The following RIMBP2 variants were observed in gnomAD, a reference collection of about 807,000 sequenced individuals.
The protein encoded by RIMBP2 is RIMS-binding protein 2.
A neutral mutation model predicts 118.6 loss-of-function variants in RIMBP2; 48 were observed. That is an observed-to-expected ratio of 0.40 (90% CI 0.32 to 0.51). The LOEUF is 0.51. Ranked by LOEUF, RIMBP2 falls within the 20% of genes least tolerant of loss-of-function variation. The pLI is 0.41. For synonymous variants in RIMBP2, 762 were observed against 742.9 expected, an observed-to-expected ratio of 1.03 and a Z score of -0.42; for missense variants, 1,551 against 1,768.3, an observed-to-expected ratio of 0.88 and a Z score of 2.20.
chr12:130,637,273 C>T (rs887388920), intron 1 of RIMBP2, among the ~76,000 whole-genome samples: 2 of 152,188 alleles, frequency 1.3e-5, no homozygotes, highest in Non-Finnish European at 2.9e-5. Context: ...CACCAGTTGC[C>T]CCAGTGGAAT....
At chr12:130,500,678 G>A (rs999521466) in intron 4 of RIMBP2, among the ~76,000 whole-genome samples, 1 of 152,108 alleles carries the variant, frequency 6.6e-6, no homozygotes, top group Non-Finnish European at 1.5e-5. Flanking sequence ...ATGCACATTG[G>A]CACAGCTCCA....
intron 16 of RIMBP2, among the ~76,000 whole-genome samples, chr12:130,423,563 G>A (rs1948559184): frequency 1.3e-5 from 2 of 151,814 alleles, no homozygotes; most frequent in East Asian, 1.9e-4. Flanking sequence ...CGGCAGGGCC[G>A]GCGGGGAGAA....
intron 1 of RIMBP2, among the ~76,000 whole-genome samples, chr12:130,699,244 T>A (rs1286812808): frequency 6.6e-6 from 1 of 152,114 alleles, no homozygotes. Context: ...ACCCAAAGGA[T>A]TATAAATCAT....
intron 2 of RIMBP2, among the ~76,000 whole-genome samples, chr12:130,604,754 TG>T (rs2060083204): frequency 1.2e-5 from 1 of 86,780 alleles, no homozygotes; most frequent in Non-Finnish European, 2.4e-5. Flanking sequence ...GGCTAATTTT[TG>T]TATTTTTTAG....
chr12:130,715,499 G>C (rs1566479060), intron 1 of RIMBP2, among the ~76,000 whole-genome samples: 1 of 152,166 alleles, frequency 6.6e-6, no homozygotes, highest in South Asian at 2.1e-4. Context: ...GGGTGGTCCC[G>C]TACGCGCTGC....
At chr12:130,624,526 G>A (rs974116188) in intron 2 of RIMBP2, among the ~76,000 whole-genome samples, 12 of 152,190 alleles carry the variant, frequency 7.9e-5, no homozygotes, top group Middle Eastern at 6.8e-3. Context: ...ATTCTGAAAA[G>A]AAACACCAAA....
In RIMBP2 at chr12:130,469,174, G is replaced by A. The variant is rs1041529140; in HGVS notation, c.153+1519C>T. 49 of 152,776 alleles carry A rather than the reference G, an allele frequency of 3.2e-4. No individual in the cohort carries two copies. The highest frequency in any genetic ancestry group is 1.1e-3 in the African/African-American group (45 of 41,578). The allele number at this position is 152,776 out of a possible 1,614,324, so 9.5% of individuals were successfully genotyped here. A position where few individuals can be genotyped will look rare whatever the true frequency, so the allele number is the denominator to read the frequency against. ...CTGCATGCTGTCCAAGGTGTTCTGC[G>A]CGAAGAGCAAAGCAAGACAGTTACA... On this transcript the variant is annotated intron_variant, in intron 6 of 22. Coordinates refer to ENST00000690449, the MANE Select transcript of RIMBP2 (RefSeq NM_001393629.1). The surrounding 1 kb of genome is among the most constrained non-coding windows in gnomAD (Gnocchi z 4.8).
At chr12:130,681,891 A>T (rs1318413046) in intron 1 of RIMBP2, among the ~76,000 whole-genome samples, 3 of 152,120 alleles carry the variant, frequency 2.0e-5, no homozygotes, top group Non-Finnish European at 4.4e-5. Flanking sequence ...GGTACAGGGT[A>T]TCACCATGCT....
chr12:130,448,775 G>A (rs1593337571), intron 9 of RIMBP2, among the ~76,000 whole-genome samples: 1 of 152,240 alleles, frequency 6.6e-6, no homozygotes, highest in South Asian at 2.1e-4. Flanking sequence ...TGCCTGGGCT[G>A]GATTCTAATG....
chr12:130,428,380 C>T (rs777253158), intron 14 of RIMBP2, 43 bp from the exon 15 acceptor site: 14 of 1,572,876 alleles, frequency 8.9e-6, no homozygotes, highest in East Asian at 6.9e-5. Flanking sequence ...TGGCTCCTCC[C>T]GCATCCTACA....
intron 6 of RIMBP2, 71 bp from the exon 7 acceptor site, chr12:130,456,771 CAT>C (rs531984258): frequency 2.2e-4 from 264 of 1,222,020 alleles, no homozygotes; most frequent in East Asian, 1.5e-3. Context: ...CGCCTGTTCA[CAT>C]GTGTTGTACG....
At chr12:130,528,993 T>C (rs961624457) in intron 2 of RIMBP2, among the ~76,000 whole-genome samples, 2 of 152,224 alleles carry the variant, frequency 1.3e-5, no homozygotes, top group African/African-American at 4.8e-5. Context: ...CAAATACTTA[T>C]ATACAAATGT....
At chr12:130,648,443 C>T (rs934212678) in intron 1 of RIMBP2, among the ~76,000 whole-genome samples, 3 of 145,366 alleles carry the variant, frequency 2.1e-5, no homozygotes, top group African/African-American at 7.4e-5. Flanking sequence ...ATAAAAACTT[C>T]GTAATATCCC....
At chr12:130,445,340 C>T (rs2078440974) in intron 9 of RIMBP2, 71 bp from the exon 10 acceptor site, 24 of 1,061,056 alleles carry the variant, frequency 2.3e-5, no homozygotes, top group South Asian at 9.6e-5. Context: ...CCGTGCAGAA[C>T]GCCAGACGGG....
At chr12:130,498,327 C>T (rs533055213) in intron 4 of RIMBP2, among the ~76,000 whole-genome samples, 2 of 152,370 alleles carry the variant, frequency 1.3e-5, no homozygotes, top group South Asian at 4.1e-4. Flanking sequence ...CATGCGTGCA[C>T]TTGCTCCGTT....
intron 4 of RIMBP2, among the ~76,000 whole-genome samples, chr12:130,484,501 G>A (rs772085676): frequency 3.3e-5 from 5 of 152,226 alleles, no homozygotes; most frequent in Non-Finnish European, 7.3e-5. Flanking sequence ...CATCCCCAGT[G>A]CACTGGCCGG....
At chr12:130,585,192 C>T (rs902006630) in intron 2 of RIMBP2, among the ~76,000 whole-genome samples, 1 of 152,128 alleles carries the variant, frequency 6.6e-6, no homozygotes, top group African/African-American at 2.4e-5. Flanking sequence ...ATCCGATGAC[C>T]ACTCCAGCCC....
Position 130,489,549 on chromosome 12 carries a change from G to GT in RIMBP2, c.-3-10534dup, listed in dbSNP as rs376671865. On this transcript the variant is annotated intron_variant, in intron 4 of 22. Coordinates refer to ENST00000690449, the MANE Select transcript of RIMBP2 (RefSeq NM_001393629.1). ...CTCTCTGCCTCTCGAGCTGTCTCCTGTAGAGGCTCCGTCTCCTGTAGAGGC... is the reference window on the plus strand; with the variant it reads ...CTCTCTGCCTCTCGAGCTGTCTCCTGTTAGAGGCTCCGTCTCCTGTAGAGGC... Among the ~76,000 whole-genome samples, 606 of 152,174 alleles carry GT rather than the reference G, an allele frequency of 4.0e-3. 6 individuals carry two copies. Among genetic ancestry groups the GT allele is most frequent in the African/African-American group, 0.014 (572 of 41,530 alleles).
intron 1 of RIMBP2, among the ~76,000 whole-genome samples, chr12:130,666,501 T>C (rs760433389): frequency 6.6e-6 from 1 of 152,164 alleles, no homozygotes; most frequent in East Asian, 1.9e-4. Context: ...AGATACCAAA[T>C]TGTGAATCAC....
Sources: gnomAD v4.1 joint callset for allele counts (sites outside exome capture counted in the v4.1 genomes callset) on GRCh38, gnomAD v4.1.1 for gene constraint, Gnocchi (gnomAD v3.1) non-coding constraint, MANE v1.5 for transcripts, NCBI Gene and HGNC (gene_info 2026-07-23, HGNC 2026-07-21) for gene names.